Variants in NEGR1 observed in about 807,000 individuals in gnomAD.
The protein encoded by NEGR1 is IgLON family member 4.
A neutral mutation model predicts 40.9 loss-of-function variants in NEGR1; 10 were observed. The ratio of observed to expected loss-of-function variants is 0.24; its 90% CI spans 0.15 to 0.42. The LOEUF is 0.42. Ranked by LOEUF, NEGR1 falls within the 10% of genes least tolerant of loss-of-function variation. The probability of loss-of-function intolerance (pLI) is 1.00; values close to 1 mark genes in which losing one functional copy is unlikely to be tolerated. For synonymous variants in NEGR1, 185 were observed against 166.8 expected (o/e 1.11, Z -0.84); for missense variants, 352 against 438.9 (o/e 0.80, Z 1.77).
rs2101585030 is a variant in NEGR1 at position 71,654,380 on chromosome 1, T to A, written c.668-43234A>T. ...ATATTGTTTGATCAATTGTTGCAAATATACTACATGAAGACAAAATATTAA... is the reference window on the plus strand; with the variant it reads ...ATATTGTTTGATCAATTGTTGCAAAAATACTACATGAAGACAAAATATTAA... On this transcript the variant is annotated intron_variant, in intron 4 of 6. Transcript: ENST00000357731. Among the ~76,000 whole-genome samples the A allele has an allele frequency of 1.3e-5, 2 of 152,280 alleles. 1 individual carries two copies. Among genetic ancestry groups the A allele is most frequent in the South Asian group, 4.1e-4 (2 of 4,828 alleles).
chr1:71,423,270 C>T (rs1222240024), intron 6 of NEGR1, among the ~76,000 whole-genome samples: 1 of 151,898 alleles, frequency 6.6e-6, no homozygotes, highest in African/African-American at 2.4e-5. Flanking sequence ...TGGCATATGC[C>T]TATCATAGTA....
At chr1:71,924,666 G>A (rs932810227) in intron 2 of NEGR1, among the ~76,000 whole-genome samples, 2 of 152,144 alleles carry the variant, frequency 1.3e-5, no homozygotes, top group Admixed American at 1.3e-4. Context: ...ATTGGCTACA[G>A]TCTTTGTAGC....
At chr1:71,888,249 G>C (rs1386274305) in intron 2 of NEGR1, among the ~76,000 whole-genome samples, 1 of 152,134 alleles carries the variant, frequency 6.6e-6, no homozygotes, top group Non-Finnish European at 1.5e-5. Context: ...CCAGTCTACA[G>C]CTCCCAGCGT....
chr1:72,128,134 G>A (rs1334084818), intron 1 of NEGR1, among the ~76,000 whole-genome samples: 1 of 152,032 alleles, frequency 6.6e-6, no homozygotes, highest in African/African-American at 2.4e-5. Flanking sequence ...GATGACCACA[G>A]TAAGTAAAGC....
chr1:71,957,879 T>C (rs1319180082), intron 1 of NEGR1, among the ~76,000 whole-genome samples: 1 of 152,238 alleles, frequency 6.6e-6, no homozygotes, highest in African/African-American at 2.4e-5. Context: ...CCTAGAATTT[T>C]CCAATATGAC....
intron 1 of NEGR1, among the ~76,000 whole-genome samples, chr1:72,173,943 C>CAATAAT (rs372415114): frequency 6.6e-6 from 1 of 151,310 alleles, no homozygotes. Context: ...ACTCTTATCT[C>CAATAAT]AATAATAATA....
At chr1:71,862,300 G>T (rs1175905840) in intron 2 of NEGR1, among the ~76,000 whole-genome samples, 3 of 152,038 alleles carry the variant, frequency 2.0e-5, no homozygotes, top group Non-Finnish European at 4.4e-5. Flanking sequence ...CCCCATAGCT[G>T]ACACTCCTAA....
chr1:72,067,776 T>G (rs1295094022), intron 1 of NEGR1, among the ~76,000 whole-genome samples: 1 of 152,148 alleles, frequency 6.6e-6, no homozygotes, highest in Non-Finnish European at 1.5e-5. Flanking sequence ...GATTTATTTT[T>G]CTTAAGACAT....
At chr1:71,789,730 A>G (rs1657042739) in intron 2 of NEGR1, among the ~76,000 whole-genome samples, 1 of 152,116 alleles carries the variant, frequency 6.6e-6, no homozygotes, top group Non-Finnish European at 1.5e-5. Flanking sequence ...TTCCTTGGGC[A>G]TTCGTGCTCT....
intron 3 of NEGR1, among the ~76,000 whole-genome samples, chr1:71,775,818 C>T (rs942183316): frequency 2.6e-5 from 4 of 151,606 alleles, no homozygotes; most frequent in Admixed American, 2.0e-4. Context: ...ATGGTAAACC[C>T]CTTCTCTACT....
chr1:71,418,869 T>C (rs1054509965), intron 6 of NEGR1, among the ~76,000 whole-genome samples: 4 of 152,330 alleles, frequency 2.6e-5, no homozygotes, highest in African/African-American at 7.2e-5. Context: ...AGTGACTACA[T>C]ATAATAAGGG....
intron 4 of NEGR1, among the ~76,000 whole-genome samples, chr1:71,651,295 T>G (rs1045300611): frequency 2.0e-5 from 3 of 152,156 alleles, no homozygotes; most frequent in African/African-American, 7.2e-5. Flanking sequence ...TGGGGGGAAA[T>G]GACTGAAGCT....
chr1:71,501,832 T>G (rs2101401900), intron 6 of NEGR1, among the ~76,000 whole-genome samples: 1 of 152,342 alleles, frequency 6.6e-6, no homozygotes, highest in East Asian at 1.9e-4. Context: ...ACAATTATTA[T>G]AAATTGCACA....
intron 2 of NEGR1, among the ~76,000 whole-genome samples, chr1:71,866,358 T>C (rs573110344): frequency 1.7e-4 from 26 of 152,308 alleles, no homozygotes; most frequent in African/African-American, 5.8e-4. Flanking sequence ...TTCCATAACA[T>C]ATCATATTAA....
chr1:71,688,393 A>AAGATATATATAGATAAAAG (rs58551950), intron 4 of NEGR1, among the ~76,000 whole-genome samples: 1 of 32,142 alleles, frequency 3.1e-5, no homozygotes, highest in Non-Finnish European at 5.6e-5. Context: ...AGATATATAA[A>AAGATATATATAGATAAAAG]ATATATATAT....
In NEGR1 at chr1:71,776,190, G is replaced by C; in HGVS notation, c.517C>G (p.Arg173Gly). Residue 173 changes from arginine (R) to glycine (G), a missense_variant, in exon 3 of 7, where the codon CGA becomes GGA. Arg to Gly is a moderately radical substitution (Grantham distance 125). Coordinates refer to ENST00000357731, the MANE Select transcript of NEGR1 (RefSeq NM_173808.3). ...TGKPEPSISW[R>G]HISPSAKPFE... ...ACTTTACCTGATGGGGAGATGTGTC[G>C]CCAAGAAATGGAAGGCTCTGGTTTC... The C allele has an allele frequency of 6.2e-7, 1 of 1,608,324 alleles. No individual in the cohort carries two copies. The highest frequency in any genetic ancestry group is 1.1e-5 in the South Asian group (1 of 90,224).
intron 1 of NEGR1, among the ~76,000 whole-genome samples, chr1:72,207,130 GAAAGATGT>G (rs1405794260): frequency 7.0e-6 from 1 of 143,536 alleles, no homozygotes; most frequent in Non-Finnish European, 1.5e-5. Flanking sequence ...AGGCTACAAA[GAAAGATGT>G]AAGTTTGTGA....
intron 1 of NEGR1, among the ~76,000 whole-genome samples, chr1:72,260,437 GAGTC>G (rs1655418615): frequency 1.3e-5 from 2 of 152,006 alleles, no homozygotes; most frequent in South Asian, 4.1e-4. Context: ...CGCTTACTAT[GAGTC>G]AGGCACTGTT....
intron 2 of NEGR1, among the ~76,000 whole-genome samples, chr1:71,791,424 A>AT (rs1389040495): frequency 6.6e-6 from 1 of 152,060 alleles, no homozygotes; most frequent in Non-Finnish European, 1.5e-5. Context: ...AGTGATATCA[A>AT]TCTGAACGTG....
Sources: allele counts gnomAD v4.1 joint callset (sites outside exome capture counted in the v4.1 genomes callset), GRCh38; gene constraint gnomAD v4.1.1; transcripts MANE v1.5; gene names NCBI Gene and HGNC (gene_info 2026-07-23, HGNC 2026-07-21).